The following DLGAP2 variants were observed in gnomAD, a reference collection of about 807,000 sequenced individuals.
The protein encoded by DLGAP2 is DLG associated protein 2.
In DLGAP2, 26 loss-of-function variants were observed where a neutral mutation model predicts 100.3. The observed-to-expected ratio is 0.26, with a 90% CI of 0.19 to 0.36. The LOEUF (loss-of-function observed/expected upper bound fraction) is 0.36, where lower values mean the gene tolerates loss of function less well. DLGAP2 is among the 10% of genes least tolerant of loss of function. The pLI is 1.00. For missense variants in DLGAP2, 1,858 were observed against 1,453.2 expected (o/e 1.28, Z -4.53); for synonymous variants, 886 against 630.1 (o/e 1.41, Z -6.08).
At chr8:852,947 A>C (rs17065346) in intron 1 of DLGAP2, among the ~76,000 whole-genome samples, 6,853 of 152,344 alleles carry the variant, frequency 0.045, 238 homozygotes, top group African/African-American at 0.093. Context: ...TATGTGCAGC[A>C]TGACGCTGGA....
chr8:1,506,447 T>C (rs1444524017), intron 4 of DLGAP2, among the ~76,000 whole-genome samples: 1 of 152,198 alleles, frequency 6.6e-6, no homozygotes, highest in Non-Finnish European at 1.5e-5. Context: ...TTCCTTCTGG[T>C]CGGTTTGTGG....
chr8:1,083,822 CT>C (rs1803886302), intron 2 of DLGAP2, among the ~76,000 whole-genome samples: 1 of 152,132 alleles, frequency 6.6e-6, no homozygotes, highest in Non-Finnish European at 1.5e-5. Flanking sequence ...AAAAAAGAGT[CT>C]TATTTTGCAC....
intron 2 of DLGAP2, among the ~76,000 whole-genome samples, chr8:1,056,417 A>G (rs759547979): frequency 2.6e-5 from 4 of 151,040 alleles, no homozygotes; most frequent in Non-Finnish European, 4.4e-5. Context: ...TCTTTTTCCT[A>G]GTTTGCTTAT....
At chr8:889,310 C>T (rs1339377181) in intron 1 of DLGAP2, among the ~76,000 whole-genome samples, 1 of 152,208 alleles carries the variant, frequency 6.6e-6, no homozygotes, top group African/African-American at 2.4e-5. Context: ...TAATGAAGCA[C>T]TTTGTCCCTT....
intron 2 of DLGAP2, among the ~76,000 whole-genome samples, chr8:1,012,032 T>C (rs1801304612): frequency 6.6e-6 from 1 of 152,176 alleles, no homozygotes; most frequent in Non-Finnish European, 1.5e-5. Flanking sequence ...CAGAAGATGT[T>C]TTATAGGCCC....
At chr8:1,554,709 C>G (rs1328202504) in intron 5 of DLGAP2, among the ~76,000 whole-genome samples, 1 of 152,120 alleles carries the variant, frequency 6.6e-6, no homozygotes. Context: ...AAGGGTCTCT[C>G]CGGGCACCTA....
chr8:1,446,504 A>G (rs1028264098), intron 3 of DLGAP2, among the ~76,000 whole-genome samples: 3 of 152,054 alleles, frequency 2.0e-5, no homozygotes, highest in African/African-American at 7.3e-5. Context: ...GCCTTGTAGT[A>G]TAGTTTGAAG....
At chr8:782,933 G>C (rs1304101956) in intron 1 of DLGAP2, among the ~76,000 whole-genome samples, 1 of 152,184 alleles carries the variant, frequency 6.6e-6, no homozygotes, top group Admixed American at 6.5e-5. Flanking sequence ...GAAACAGTGC[G>C]TGGCTGTGCT....
chr8:846,881 C>T (rs1182815872), intron 1 of DLGAP2, among the ~76,000 whole-genome samples: 2 of 152,146 alleles, frequency 1.3e-5, no homozygotes, highest in African/African-American at 4.8e-5. Flanking sequence ...CCATGTCTGG[C>T]TTGCTCTTGT....
At chr8:951,588 A>G (rs1229477883) in intron 2 of DLGAP2, among the ~76,000 whole-genome samples, 1 of 152,172 alleles carries the variant, frequency 6.6e-6, no homozygotes, top group Non-Finnish European at 1.5e-5. Flanking sequence ...CACTTTTAGT[A>G]CCCTTGATAA....
At chr8:941,776 A>C (rs1477651397) in intron 2 of DLGAP2, among the ~76,000 whole-genome samples, 2 of 152,140 alleles carry the variant, frequency 1.3e-5, no homozygotes, top group African/African-American at 2.4e-5. Flanking sequence ...AATATTTTAC[A>C]TCAGTGTAGG....
intron 2 of DLGAP2, among the ~76,000 whole-genome samples, chr8:1,009,268 C>G (rs550616444): frequency 6.6e-6 from 1 of 152,184 alleles, no homozygotes; most frequent in Non-Finnish European, 1.5e-5. Context: ...TTTTGTTCGT[C>G]AAGTCCCAGC....
At chr8:1,488,382 A>G (rs968098359) in intron 3 of DLGAP2, among the ~76,000 whole-genome samples, 8 of 152,176 alleles carry the variant, frequency 5.3e-5, no homozygotes, top group East Asian at 1.9e-4. Flanking sequence ...CTCTTTTCCA[A>G]GCTCAGATTT....
chr8:1,237,344 C>T (rs1239064743), intron 2 of DLGAP2, among the ~76,000 whole-genome samples: 5 of 104,286 alleles, frequency 4.8e-5, no homozygotes, highest in Middle Eastern at 6.8e-3. Flanking sequence ...CACATGGTGC[C>T]GTGTCTAGTT....
At chr8:1,121,567 C>T (rs995118357) in intron 2 of DLGAP2, among the ~76,000 whole-genome samples, 3 of 151,890 alleles carry the variant, frequency 2.0e-5, no homozygotes, top group Non-Finnish European at 4.4e-5. Flanking sequence ...ATCTTCTTCC[C>T]ATTAGAACCC....
rs185903761 is a variant in DLGAP2 at position 782,414 on chromosome 8, G to A, written c.18+44589G>A. Among the ~76,000 whole-genome samples, 7 of 151,962 alleles carry A rather than the reference G, an allele frequency of 4.6e-5. No individual in the cohort carries two copies. The East Asian group carries it at 1.4e-3, about 29-fold the overall frequency. On this transcript the variant is annotated intron_variant, in intron 1 of 14. Transcript: ENST00000637795. ...ATATTAATACATACTCTCTCACTAG[G>A]CCATCAATTATGAATACCTAAATAT...
intron 7 of DLGAP2, 138 bp downstream of exon 7, chr8:1,627,025 C>T (rs969697980): frequency 1.2e-5 from 13 of 1,051,886 alleles, no homozygotes; most frequent in Non-Finnish European, 1.7e-5. Context: ...AAAGGGGGTT[C>T]CCCTGGAATT....
chr8:1,455,066 C>G (rs1432443336), intron 3 of DLGAP2, among the ~76,000 whole-genome samples: 1 of 152,220 alleles, frequency 6.6e-6, no homozygotes, highest in Admixed American at 6.5e-5. Flanking sequence ...AGGAAGGTTC[C>G]AGACACATCA....
chr8:1,127,855 G>A (rs1796203108), intron 2 of DLGAP2, among the ~76,000 whole-genome samples: 2 of 152,210 alleles, frequency 1.3e-5, no homozygotes, highest in Admixed American at 1.3e-4. Flanking sequence ...TTAGTCATTC[G>A]AGGCTTGGTA....
Sources: gnomAD v4.1 joint callset for allele counts (sites outside exome capture counted in the v4.1 genomes callset) on GRCh38, gnomAD v4.1.1 for gene constraint, MANE v1.5 for transcripts, NCBI Gene and HGNC (gene_info 2026-07-23, HGNC 2026-07-21) for gene names.